The following SEPTIN9 variants were observed in gnomAD, a reference collection of about 807,000 sequenced individuals.
The protein encoded by SEPTIN9 is septin 9.
In SEPTIN9, 13 loss-of-function variants were observed where a neutral mutation model predicts 56.6. That is an observed-to-expected ratio of 0.23 (90% confidence interval 0.15 to 0.37). The LOEUF is 0.37. Ranked by LOEUF, SEPTIN9 falls within the 10% of genes least tolerant of loss-of-function variation. SEPTIN9 has a pLI of 1.00. For synonymous variants in SEPTIN9, 332 were observed against 334.1 expected (o/e 0.99, Z 0.07); for missense variants, 650 against 823.1 (o/e 0.79, Z 2.57).
chr17:77,480,019 GGGAGCA>G (rs552753683), intron 3 of SEPTIN9, among the ~76,000 whole-genome samples: 2 of 152,182 alleles, frequency 1.3e-5, no homozygotes, highest in Non-Finnish European at 2.9e-5. Flanking sequence ...TTTCTGAAGG[GGGAGCA>G]GGAGCAGGAG....
intron 2 of SEPTIN9, among the ~76,000 whole-genome samples, chr17:77,387,450 C>G (rs887984891): frequency 6.6e-6 from 1 of 152,198 alleles, no homozygotes; most frequent in Non-Finnish European, 1.5e-5. Flanking sequence ...TTCACAGGTC[C>G]GAGGGCTAGG....
chr17:77,438,983 G>A (rs1031692074), intron 3 of SEPTIN9, among the ~76,000 whole-genome samples: 2 of 152,186 alleles, frequency 1.3e-5, no homozygotes, highest in African/African-American at 2.4e-5. Flanking sequence ...ACAAATGAAG[G>A]CGAGGGTGTG....
chr17:77,357,613 C>CTCCTT (rs1226686329), intron 2 of SEPTIN9, among the ~76,000 whole-genome samples: 1 of 152,134 alleles, frequency 6.6e-6, no homozygotes, highest in Non-Finnish European at 1.5e-5. Context: ...CCCCTCCCCT[C>CTCCTT]TCCTTTCCTT....
intron 2 of SEPTIN9, among the ~76,000 whole-genome samples, chr17:77,333,639 A>T (rs2033441805): frequency 6.6e-6 from 1 of 152,240 alleles, no homozygotes; most frequent in Non-Finnish European, 1.5e-5. Context: ...TGTTCTTTGT[A>T]AGAAACCTTT....
chr17:77,454,523 C>T (rs554723728), intron 3 of SEPTIN9: 1 of 264,988 alleles, frequency 3.8e-6, no homozygotes, highest in South Asian at 1.4e-4. Context: ...GAGGGTCCCT[C>T]TCGCCCCCAC....
chr17:77,311,523 C>T (rs1305762892), intron 2 of SEPTIN9, among the ~76,000 whole-genome samples: 1 of 152,170 alleles, frequency 6.6e-6, no homozygotes, highest in African/African-American at 2.4e-5. Context: ...GGCTGGTGCT[C>T]GCTGCCTCCC....
rs142620651 is a variant in SEPTIN9, at chr17:77,330,677, G to T, written c.76+23480G>T. ...TAAAGCCTAAAGCCTGCTGTCAGGA[G>T]CCTCGCTTGCCTCTCAGAGAGCACA... On this transcript the variant is annotated intron_variant, in intron 2 of 11. Coordinates refer to ENST00000427177, the MANE Select transcript of SEPTIN9 (RefSeq NM_001113491.2). The surrounding 1 kb of genome is among the most constrained non-coding windows in gnomAD (Gnocchi z 4.4). 6.6e-6 allele frequency among the ~76,000 whole-genome samples: 1 copy of T among 152,352 alleles called. No individual in the cohort carries two copies. Among genetic ancestry groups the T allele is most frequent in the Non-Finnish European group, 1.5e-5 (1 of 68,030 alleles).
At chr17:77,477,143 C>T (rs1447547143) in intron 3 of SEPTIN9, among the ~76,000 whole-genome samples, 1 of 151,516 alleles carries the variant, frequency 6.6e-6, no homozygotes, top group Admixed American at 6.6e-5. Flanking sequence ...CCTTCTTTCC[C>T]TTCCTCTCCC....
At chr17:77,294,208 CAGG>C (rs2143531095) in intron 1 of SEPTIN9, among the ~76,000 whole-genome samples, 1 of 152,052 alleles carries the variant, frequency 6.6e-6, no homozygotes, top group East Asian at 1.9e-4. Flanking sequence ...CACTTGAGGT[CAGG>C]AGTTTGAAAC....
chr17:77,484,262 T>TGATGGTGATGGTGGTGATAGTGGTGG (rs2039574748), intron 4 of SEPTIN9: 1 of 145,790 alleles, frequency 6.9e-6, no homozygotes, highest in Non-Finnish European at 1.5e-5. Context: ...GGGATGATGG[T>TGATGGTGATGGTGGTGATAGTGGTGG]GATGGTGGTG....
rs371629312 is a variant in SEPTIN9 at position 77,448,210 on chromosome 17, C to T, written c.722-33934C>T. Among the ~76,000 whole-genome samples, 21 of 152,120 alleles carry T rather than the reference C, an allele frequency of 1.4e-4. No homozygotes were observed. In the East Asian group the frequency reaches 1.7e-3, roughly 13 times the overall value. ...ATCCGAGGATGGGCGTGGTGGCTCA[C>T]GCGTGTAATCTCAGCACTTCAGGAG... On this transcript the variant is annotated intron_variant, in intron 3 of 11. Coordinates refer to ENST00000427177, the MANE Select transcript of SEPTIN9 (RefSeq NM_001113491.2).
chr17:77,460,611 A>G (rs896176996), intron 3 of SEPTIN9, among the ~76,000 whole-genome samples: 4 of 152,100 alleles, frequency 2.6e-5, no homozygotes, highest in African/African-American at 9.7e-5. Context: ...TTCACCAGAA[A>G]TGGCCCAGGA....
intron 3 of SEPTIN9, among the ~76,000 whole-genome samples, chr17:77,415,638 A>AAG (rs1568051373): frequency 9.5e-6 from 1 of 104,808 alleles, no homozygotes; most frequent in African/African-American, 3.6e-5. Context: ...AAAAAAAAAA[A>AAG]AAAAAAGAAA....
chr17:77,368,977 C>T (rs909669912), intron 2 of SEPTIN9, among the ~76,000 whole-genome samples: 3 of 152,226 alleles, frequency 2.0e-5, no homozygotes, highest in African/African-American at 7.2e-5. Context: ...CACGATGGCT[C>T]ATGCCTGTAA....
chr17:77,468,175 G>A (rs1180464566), intron 3 of SEPTIN9, among the ~76,000 whole-genome samples: 1 of 152,212 alleles, frequency 6.6e-6, no homozygotes, highest in Non-Finnish European at 1.5e-5. Context: ...TGAGGCAGGA[G>A]AATGGCGTGA....
At position 77,405,033 on chromosome 17, in the gene SEPTIN9, T is replaced by G; in HGVS notation, c.721+2330T>G. ...CTGGGTTGATGTGTTCACACTCAGC[T>G]GAGTCAAACAGGATGTGGCTGGGGA... On this transcript the variant is annotated intron_variant, in intron 3 of 11. Transcript: ENST00000427177. This position sits in a 1 kb window ranked among gnomAD's most constrained non-coding sequence, Gnocchi z 5.8. 6.6e-7 allele frequency: 1 copy of G among 1,520,230 alleles called. No homozygotes were observed. Among genetic ancestry groups the G allele is most frequent in the Non-Finnish European group, 8.8e-7 (1 of 1,135,012 alleles). The allele number at this position is 1,520,230 out of a possible 1,614,324, so 94.2% of individuals were successfully genotyped here.
intron 2 of SEPTIN9, among the ~76,000 whole-genome samples, chr17:77,348,580 G>A (rs987761039): frequency 1.3e-5 from 2 of 152,124 alleles, no homozygotes; most frequent in African/African-American, 2.4e-5. Context: ...GATTACAAGC[G>A]TGAGCCACTG....
At chr17:77,379,697 C>T (rs1402248308) in intron 2 of SEPTIN9, among the ~76,000 whole-genome samples, 2 of 152,178 alleles carry the variant, frequency 1.3e-5, no homozygotes, top group East Asian at 1.9e-4. Context: ...GCCAAATGCC[C>T]GTCCATCATC....
At chr17:77,282,135 C>T (rs1364577218) in intron 1 of SEPTIN9, among the ~76,000 whole-genome samples, 1 of 152,208 alleles carries the variant, frequency 6.6e-6, no homozygotes, top group Non-Finnish European at 1.5e-5. Flanking sequence ...CTTAAGTAGG[C>T]GAAGGGGGCC....
Sources: allele counts gnomAD v4.1 joint callset (sites outside exome capture counted in the v4.1 genomes callset), GRCh38; gene constraint gnomAD v4.1.1; non-coding constraint Gnocchi (gnomAD v3.1); transcripts MANE v1.5; gene names NCBI Gene and HGNC (gene_info 2026-07-23, HGNC 2026-07-21).